Variants in KPNA5 observed in about 807,000 individuals in gnomAD.
The protein encoded by KPNA5 is importin subunit alpha-6.
Under a neutral mutation model 71.3 loss-of-function variants are expected in KPNA5, and 46 were observed. The observed-to-expected ratio is 0.65, with a 90% CI of 0.51 to 0.83. The LOEUF (loss-of-function observed/expected upper bound fraction) is 0.83. Among genes scored for constraint, KPNA5 ranks in the 40% least tolerant of loss-of-function variants. The pLI, the probability that KPNA5 is intolerant of heterozygous loss-of-function variation, is 0.00. For missense variants in KPNA5, 547 were observed against 628.3 expected (o/e 0.87, Z 1.38); for synonymous variants, 207 against 201.4 (o/e 1.03, Z -0.24).
rs575202676 is a variant in KPNA5, at chr6:116,683,986, C to T, written c.4+2648C>T. Among the ~76,000 whole-genome samples, 153 of 135,142 alleles carry T rather than the reference C, an allele frequency of 1.1e-3. 4 individuals are homozygous for T. The South Asian group carries it at 0.038, about 34-fold the overall frequency. The allele number at this position is 135,142 out of a possible 152,430, so 88.7% of individuals were successfully genotyped here. A position where few individuals can be genotyped will look rare whatever the true frequency, so the allele number is the denominator to read the frequency against. ...AGTCCAGGCTGGAGCGATCTTGGCT[C>T]ACTGCAACCTCTGCCTCCCGAGTTC... On this transcript the variant is annotated intron_variant, in intron 1 of 13. Coordinates refer to ENST00000368564, the MANE Select transcript of KPNA5 (RefSeq NM_001366306.2).
At chr6:116,721,232 G>A (rs1779093599) in intron 8 of KPNA5, among the ~76,000 whole-genome samples, 1 of 152,176 alleles carries the variant, frequency 6.6e-6, no homozygotes, top group South Asian at 2.1e-4. Flanking sequence ...TAGGGGTAAA[G>A]AGAAAAGTCA....
chr6:116,693,283 T>C (rs1777881643), intron 4 of KPNA5, among the ~76,000 whole-genome samples: 2 of 152,344 alleles, frequency 1.3e-5, no homozygotes, highest in South Asian at 4.1e-4. Flanking sequence ...ATGGTATTTC[T>C]AGTTCTAGAT....
chr6:116,681,573 CA>C, intron 1 of KPNA5: 4 of 1,287,702 alleles, frequency 3.1e-6, no homozygotes, highest in Non-Finnish European at 3.9e-6. Context: ...ATTCTTTCAG[CA>C]GGTCCTCTGG....
chr6:116,687,142 T>C (rs1777621158), intron 1 of KPNA5, among the ~76,000 whole-genome samples: 1 of 152,254 alleles, frequency 6.6e-6, no homozygotes, highest in African/African-American at 2.4e-5. Flanking sequence ...TTTCACGATA[T>C]TGATTCTTCC....
intron 8 of KPNA5, among the ~76,000 whole-genome samples, chr6:116,718,051 T>C (rs1156986617): frequency 1.3e-5 from 2 of 152,034 alleles, no homozygotes; most frequent in Non-Finnish European, 2.9e-5. Flanking sequence ...TTTATCACTT[T>C]TAAAGATGTA....
chr6:116,695,719 GCTT>G (rs1383519053), intron 4 of KPNA5, among the ~76,000 whole-genome samples: 2 of 152,110 alleles, frequency 1.3e-5, no homozygotes, highest in Non-Finnish European at 2.9e-5. Context: ...ATCAAGAATG[GCTT>G]CTTTCTTCCT....
In KPNA5 at chr6:116,736,005, C is replaced by G. The variant is rs1483277768; in HGVS notation, c.*3682C>G. Reference sequence around the variant, plus strand: ...GTGAAAAGGGTGGAAAAAAGATATACCATGCTATCACAAATCAAAAGTAAG... The same window carrying G: ...GTGAAAAGGGTGGAAAAAAGATATAGCATGCTATCACAAATCAAAAGTAAG... On this transcript the variant is annotated 3_prime_UTR_variant, in exon 14 of 14. Transcript: ENST00000368564. The G allele has an allele frequency of 6.6e-6, 1 of 151,680 alleles. No individual in the cohort carries two copies. The highest frequency in any genetic ancestry group is 1.5e-5 in the Non-Finnish European group (1 of 67,762). The allele number at this position is 151,680 out of a possible 1,614,324, so 9.4% of individuals were successfully genotyped here. A position where few individuals can be genotyped will look rare whatever the true frequency, so the allele number is the denominator to read the frequency against.
In KPNA5 at chr6:116,710,871, T is replaced by TA. The variant is rs1221307889; in HGVS notation, c.657-5348_657-5347insA. ...TTCATTCTTAATTGTAGTAATATTA[T>TA]TTTATATATATATATATATATATTT... On this transcript the variant is annotated intron_variant, in intron 7 of 13. Coordinates refer to ENST00000368564, the MANE Select transcript of KPNA5 (RefSeq NM_001366306.2). Among the ~76,000 whole-genome samples the TA allele has an allele frequency of 7.0e-3, 724 of 103,692 alleles. 13 individuals are homozygous for TA. Among genetic ancestry groups the TA allele is most frequent in the African/African-American group, 0.022 (525 of 23,990 alleles). 68.0% of individuals were successfully genotyped at this position (103,692 alleles called of 152,430 possible). A position where few individuals can be genotyped will look rare whatever the true frequency, so the allele number is the denominator to read the frequency against.
In KPNA5 at chr6:116,732,135, G is replaced by A; in HGVS notation, c.1433-1G>A. 9.3e-7 allele frequency: 1 copy of A among 1,073,840 alleles called. No homozygotes were observed. 66.5% of individuals were successfully genotyped at this position (1,073,840 alleles called of 1,614,324 possible). A position where few individuals can be genotyped will look rare whatever the true frequency, so the allele number is the denominator to read the frequency against. ...ATATATATATATACTTTGTATAACA[G>A]GTCTGGATAAAATTGAGTTTTTGCA... On this transcript the variant is annotated splice_acceptor_variant, in intron 13 of 13. Coordinates refer to ENST00000368564, the MANE Select transcript of KPNA5 (RefSeq NM_001366306.2). LOFTEE classifies it high-confidence loss of function.
chr6:116,702,598 G>C (rs1176186298), intron 6 of KPNA5, among the ~76,000 whole-genome samples: 2 of 152,146 alleles, frequency 1.3e-5, no homozygotes, highest in African/African-American at 4.8e-5. Flanking sequence ...GAGCCTGGGA[G>C]GCAGAGGTTG....
intron 13 of KPNA5, among the ~76,000 whole-genome samples, chr6:116,730,478 C>A (rs1174893973): frequency 6.6e-6 from 1 of 152,108 alleles, no homozygotes; most frequent in Non-Finnish European, 1.5e-5. Context: ...CAGTTTATCA[C>A]TTTATGTATA....
intron 8 of KPNA5, among the ~76,000 whole-genome samples, chr6:116,718,454 G>T (rs1778982139): frequency 6.6e-6 from 1 of 151,688 alleles, no homozygotes; most frequent in African/African-American, 2.4e-5. Flanking sequence ...GTAGAGACAG[G>T]GTTTCACCAT....
chr6:116,725,906 CAG>C, intron 11 of KPNA5, 30 bp downstream of exon 11: 1 of 1,596,796 alleles, frequency 6.3e-7, no homozygotes, highest in Non-Finnish European at 8.5e-7. Flanking sequence ...GAGAGTAGAA[CAG>C]CAAGGTCTAA....
intron 5 of KPNA5, among the ~76,000 whole-genome samples, chr6:116,699,040 A>G (rs1778135765): frequency 1.3e-5 from 2 of 152,072 alleles, no homozygotes; most frequent in African/African-American, 4.8e-5. Context: ...ATGTTAATAA[A>G]CAATTTATAG....
rs1779509453 is a variant in KPNA5, at chr6:116,732,077, TATATATATATATATATATATATA to T, written c.1433-58_1433-36del. On this transcript the variant is annotated intron_variant, in intron 13 of 13. Coordinates refer to ENST00000368564, the MANE Select transcript of KPNA5 (RefSeq NM_001366306.2). ...TGAAATTGTAGTAACAGTTTGTTTATATATATATATATATATATATATATATATATATATATATATATATACTT... is the reference window on the plus strand; with the variant it reads ...TGAAATTGTAGTAACAGTTTGTTTATTATATATATATATATATATATACTT... 2.6e-3 allele frequency: 382 copies of T among 144,460 alleles called. 39 individuals carry two copies. The highest frequency in any genetic ancestry group is 4.2e-3 in the East Asian group (25 of 6,016). The allele number at this position is 144,460 out of a possible 1,614,324, so 8.9% of individuals were successfully genotyped here.
chr6:116,712,005 GC>G (rs770491445), intron 7 of KPNA5, among the ~76,000 whole-genome samples: 1 of 152,126 alleles, frequency 6.6e-6, no homozygotes, highest in Non-Finnish European at 1.5e-5. Flanking sequence ...GTGCAGTGGT[GC>G]AGCCTCGGCT....
rs777021570 is a variant in KPNA5 at position 116,702,186 on chromosome 6, A to G, written c.567+36A>G. ...AATTTGTATTGTTGTATGTACTAGAATTCAGTTTTCTCTTGAAAGTACCAT... is the reference window on the plus strand; with the variant it reads ...AATTTGTATTGTTGTATGTACTAGAGTTCAGTTTTCTCTTGAAAGTACCAT... On this transcript the variant is annotated intron_variant, in intron 6 of 13. Transcript: ENST00000368564. The G allele has an allele frequency of 3.8e-6, 6 of 1,587,546 alleles. No individual in the cohort carries two copies. In the Admixed American group the frequency reaches 1.1e-4, roughly 30 times the overall value.
At chr6:116,696,990 G>A (rs1241936567) in intron 4 of KPNA5, among the ~76,000 whole-genome samples, 1 of 151,634 alleles carries the variant, frequency 6.6e-6, no homozygotes, top group Admixed American at 6.6e-5. Flanking sequence ...AATATATATA[G>A]CTGACATTCT....
intron 1 of KPNA5, among the ~76,000 whole-genome samples, chr6:116,683,025 C>G (rs1038991556): frequency 1.3e-5 from 2 of 152,156 alleles, no homozygotes; most frequent in African/African-American, 4.8e-5. Context: ...TTTTATTTGG[C>G]TAAAATTTAT....
Sources: gnomAD v4.1 joint callset for allele counts (sites outside exome capture counted in the v4.1 genomes callset) on GRCh38, gnomAD v4.1.1 for gene constraint, MANE v1.5 for transcripts, NCBI Gene and HGNC (gene_info 2026-07-23, HGNC 2026-07-21) for gene names.